Variants in FLT4 observed in about 807,000 individuals in gnomAD.
The protein encoded by FLT4 is fms related receptor tyrosine kinase 4.
A neutral mutation model predicts 163.2 loss-of-function variants in FLT4; 30 were observed. The ratio of observed to expected loss-of-function variants is 0.18; its 90% CI spans 0.14 to 0.25. The LOEUF (loss-of-function observed/expected upper bound fraction) is 0.25, where lower values mean the gene tolerates loss of function less well. Among genes scored for constraint, FLT4 ranks in the 10% least tolerant of loss-of-function variants. The pLI is 1.00. For missense variants in FLT4, 1,510 were observed against 1,863.8 expected, an observed-to-expected ratio of 0.81 and a Z score of 3.50; for synonymous variants, 884 against 789.5, an observed-to-expected ratio of 1.12 and a Z score of -2.01.
At chr5:180,613,765 G>A in intron 24 of FLT4, 1 of 468,012 alleles carries the variant, frequency 2.1e-6, no homozygotes, top group Non-Finnish European at 4.0e-6. Context: ...TCTTGGAGTA[G>A]GCACGTCTGC....
intron 1 of FLT4, among the ~76,000 whole-genome samples, chr5:180,633,010 C>A (rs1764303174): frequency 6.6e-6 from 1 of 151,854 alleles, no homozygotes; most frequent in Non-Finnish European, 1.5e-5. Flanking sequence ...TCCCGTCCAA[C>A]ACGTCCCTTG....
chr5:180,624,529 G>A (rs1358246193), intron 10 of FLT4, among the ~76,000 whole-genome samples: 1 of 152,082 alleles, frequency 6.6e-6, no homozygotes, highest in Non-Finnish European at 1.5e-5. Context: ...AGCCCGGCCT[G>A]TTTCTGGAGC....
Position 180,630,966 on chromosome 5 carries a change from C to G in FLT4, c.156-167G>C, listed in dbSNP as rs1000201963. 6.6e-6 allele frequency among the ~76,000 whole-genome samples: 1 copy of G among 152,080 alleles called. No individual in the cohort carries two copies. The highest frequency in any genetic ancestry group is 1.5e-5 in the Non-Finnish European group (1 of 67,998). On this transcript the variant is annotated intron_variant, in intron 2 of 29. Transcript: ENST00000261937. This position sits in a 1 kb window ranked among gnomAD's most constrained non-coding sequence, Gnocchi z 6.3. Reference sequence around the variant, plus strand: ...ACCGTGCCCAGGGCAGGGCACTCCCCGACCCCCGGGCCTCTACCAGGCTCC... The same window carrying G: ...ACCGTGCCCAGGGCAGGGCACTCCCGGACCCCCGGGCCTCTACCAGGCTCC...
At position 180,620,049 on chromosome 5, in the gene FLT4, G is replaced by C; in HGVS notation, c.2542+124C>G. 1 of 1,259,510 alleles carries C rather than the reference G, an allele frequency of 7.9e-7. No homozygotes were observed. Among genetic ancestry groups the C allele is most frequent in the Non-Finnish European group, 1.1e-6 (1 of 901,788 alleles). 78.0% of individuals were successfully genotyped at this position (1,259,510 alleles called of 1,614,324 possible). A position where few individuals can be genotyped will look rare whatever the true frequency, so the allele number is the denominator to read the frequency against. On this transcript the variant is annotated intron_variant, in intron 17 of 29. Transcript: ENST00000261937. This position sits in a 1 kb window ranked among gnomAD's most constrained non-coding sequence, Gnocchi z 4.4. ...GGTTCTAGGTACCCACGCCCACAGG[G>C]ACAGGTCAGGCCAGGCGGAACTTCC... is the stretch of plus-strand genomic sequence containing the variant.
At chr5:180,611,029 C>A (rs1414865086) in intron 27 of FLT4, among the ~76,000 whole-genome samples, 2 of 152,182 alleles carry the variant, frequency 1.3e-5, no homozygotes, top group African/African-American at 2.4e-5. Flanking sequence ...TGCACTCCAG[C>A]CTGGGCGACA....
At chr5:180,613,293 GC>G in intron 24 of FLT4, 183 bp from the exon 25 acceptor site, 1 of 552,088 alleles carries the variant, frequency 1.8e-6, no homozygotes, top group Non-Finnish European at 3.2e-6. Context: ...GCAAGTCGCT[GC>G]CCTCCCCAGC....
At chr5:180,650,146 C>T (rs1765668742), upstream of FLT4, among the ~76,000 whole-genome samples, 1 of 143,316 alleles carries the variant, frequency 7.0e-6, no homozygotes, top group Non-Finnish European at 1.5e-5. Context: ...CGAGATCGCG[C>T]CACTGCACTC....
intron 1 of FLT4, among the ~76,000 whole-genome samples, chr5:180,633,727 C>T (rs1046187021): frequency 1.3e-5 from 2 of 152,106 alleles, no homozygotes; most frequent in African/African-American, 2.4e-5. Context: ...ATGTGGGCAC[C>T]GGAGTGGGTG....
rs1159008608 is a variant in FLT4, at chr5:180,620,725, C to T, written c.2300-10G>A. On this transcript the variant is annotated splice_polypyrimidine_tract_variant and intron_variant, in intron 15 of 29. Coordinates refer to ENST00000261937, the MANE Select transcript of FLT4 (RefSeq NM_182925.5). This position sits in a 1 kb window ranked among gnomAD's most constrained non-coding sequence, Gnocchi z 4.4. ...CCCTTATCCTCGGAGCCTGCGTGGG[C>T]AGAAAGGGGCCGGCGTGTGTGTGTG... is the stretch of plus-strand genomic sequence containing the variant. 2 of 1,609,736 alleles carry T rather than the reference C, an allele frequency of 1.2e-6. No homozygotes were observed. The highest frequency in any genetic ancestry group is 1.7e-6 in the Non-Finnish European group (2 of 1,177,508).
chr5:180,602,706 G>C lies in FLT4; in HGVS notation c.*486C>G. The stretch of plus-strand genomic sequence containing the variant: ...TCCCTTCAACTGTGCAGGGGTGGGT[G>C]AGGCCAGCCAGCCCTCGTGGGGAGA... On this transcript the variant is annotated 3_prime_UTR_variant, in exon 30 of 30. Transcript: ENST00000261937. 3 of 449,882 alleles carry C rather than the reference G, an allele frequency of 6.7e-6. No individual in the cohort carries two copies. Among genetic ancestry groups the C allele is most frequent in the Non-Finnish European group, 1.2e-5 (3 of 256,776 alleles). The allele number at this position is 449,882 out of a possible 1,614,324, so 27.9% of individuals were successfully genotyped here.
intron 29 of FLT4, among the ~76,000 whole-genome samples, chr5:180,604,524 A>G (rs910787500): frequency 1.3e-5 from 2 of 151,756 alleles, no homozygotes; most frequent in African/African-American, 4.8e-5. Context: ...TTCAAGTTAC[A>G]CTATGTCATT....
intron 1 of FLT4, among the ~76,000 whole-genome samples, chr5:180,635,439 A>T (rs371365166): frequency 0.048 from 32 of 668 alleles, 3 homozygotes; most frequent in Non-Finnish European, 0.062. Flanking sequence ...GGTGGATGGG[A>T]GGGTGGGTGG....
chr5:180,629,470 T>C, intron 6 of FLT4, 43 bp from the exon 7 acceptor site: 3 of 1,604,408 alleles, frequency 1.9e-6, no homozygotes, highest in Non-Finnish European at 1.7e-6. Flanking sequence ...GGCGGGCTCC[T>C]GCACAGCTAC....
In FLT4 at chr5:180,620,731, G is replaced by C; in HGVS notation, c.2300-16C>G. 2 of 1,598,718 alleles carry C rather than the reference G, an allele frequency of 1.3e-6. No homozygotes were observed. The highest frequency in any genetic ancestry group is 1.7e-6 in the Non-Finnish European group (2 of 1,168,538). Reference sequence around the variant, plus strand: ...TCCTCGGAGCCTGCGTGGGCAGAAAGGGGCCGGCGTGTGTGTGTGTGTGTG... The same window carrying C: ...TCCTCGGAGCCTGCGTGGGCAGAAACGGGCCGGCGTGTGTGTGTGTGTGTG... On this transcript the variant is annotated splice_polypyrimidine_tract_variant and intron_variant, in intron 15 of 29. Transcript: ENST00000261937. This position sits in a 1 kb window ranked among gnomAD's most constrained non-coding sequence, Gnocchi z 4.4.
rs759264390 is a variant in FLT4, at chr5:180,620,827, G to A, written c.2299+49C>T. 28 of 1,609,450 alleles carry A rather than the reference G, an allele frequency of 1.7e-5. No homozygotes were observed. The highest frequency in any genetic ancestry group is 1.0e-4 in the Admixed American group (6 of 59,674). On this transcript the variant is annotated intron_variant, in intron 15 of 29. Coordinates refer to ENST00000261937, the MANE Select transcript of FLT4 (RefSeq NM_182925.5). The surrounding 1 kb of genome is among the most constrained non-coding windows in gnomAD (Gnocchi z 4.4). ...TTGCCCAAGGTGGCCACAAGAAAGC[G>A]TTAACTGGGGACGGGAAGGGAGTTG...
At position 180,603,261 on chromosome 5, in the gene FLT4, C is replaced by T. The variant is rs769804305; in HGVS notation, c.4023G>A (p.Ser1341=). The change falls in exon 30 of 30, where the codon TCG becomes TCA. Residue 1341 remains serine, a synonymous_variant. Coordinates refer to ENST00000261937, the MANE Select transcript of FLT4 (RefSeq NM_182925.5). The stretch of plus-strand genomic sequence containing the variant: ...AGCAGTGGTCCTCCTCGCTTGGCTC[C>T]GACAGCTCCCCATACTCGCTGTTGT... ...VFYNSEYGEL[S]EPSEEDHCSP... The T allele has an allele frequency of 1.1e-5, 18 of 1,614,176 alleles. No individual in the cohort carries two copies. Among genetic ancestry groups the T allele is most frequent in the Non-Finnish European group, 1.4e-5 (17 of 1,180,050 alleles).
intron 1 of FLT4, among the ~76,000 whole-genome samples, chr5:180,645,653 A>G (rs307811): frequency 0.58 from 88,017 of 152,022 alleles, 26,005 homozygotes; most frequent in East Asian, 0.64. Flanking sequence ...GGCCTCAGAC[A>G]GGGCCGGGGG....
chr5:180,614,189 C>G lies in FLT4; in HGVS notation c.3220-10G>C. ...TCAGGGGCAGCCGGGCCTGGGGAGA[C>G]AGAGGGAAGCTTGTCCCGTGGTGGA... On this transcript the variant is annotated splice_polypyrimidine_tract_variant and intron_variant, in intron 23 of 29. Transcript: ENST00000261937. 1 of 1,590,202 alleles carries G rather than the reference C, an allele frequency of 6.3e-7. No homozygotes were observed. Among genetic ancestry groups the G allele is most frequent in the Non-Finnish European group, 8.6e-7 (1 of 1,161,394 alleles).
chr5:180,630,068 A>G lies in FLT4; in HGVS notation c.551T>C (p.Val184Ala). The G allele has an allele frequency of 6.2e-7, 1 of 1,612,288 alleles. No homozygotes were observed. The highest frequency in any genetic ancestry group is 8.5e-7 in the Non-Finnish European group (1 of 1,179,914). The change falls in exon 5 of 30, where the codon GTG (valine) becomes GCG (alanine). Residue 184 changes from valine (V) to alanine (A), a missense_variant. Transcript: ENST00000261937. The surrounding 1 kb of genome is among the most constrained non-coding windows in gnomAD (Gnocchi z 6.3). ...GAGCATGCCCCGCCGGTCATCCCAC[A>G]CCACCTCCTGCCCGTCTGGCCACAG... ...SVLWPDGQEV[V>A]WDDRRGMLVS...
Sources: allele counts gnomAD v4.1 joint callset (sites outside exome capture counted in the v4.1 genomes callset), GRCh38; gene constraint gnomAD v4.1.1; non-coding constraint Gnocchi (gnomAD v3.1); transcripts MANE v1.5; gene names NCBI Gene and HGNC (gene_info 2026-07-23, HGNC 2026-07-21).